TLR1: variants seen among roughly 807,000 people sequenced by gnomAD.
The protein encoded by TLR1 is toll-like receptor 1.
In TLR1, 19 loss-of-function variants were observed where a neutral mutation model predicts 20.2. The ratio of observed to expected loss-of-function variants is 0.94; its 90% CI spans 0.66 to 1.38. The LOEUF (loss-of-function observed/expected upper bound fraction) is 1.38. TLR1 is among the 40% of genes most tolerant of loss of function. TLR1 has a pLI of 0.00. For missense variants in TLR1, 921 were observed against 910.0 expected (o/e 1.01, Z -0.16); for synonymous variants, 320 against 334.5 (o/e 0.96, Z 0.47).
chr4:38,799,546 C>T (rs1197814277), intron 3 of TLR1, among the ~76,000 whole-genome samples: 2 of 152,192 alleles, frequency 1.3e-5, no homozygotes, highest in African/African-American at 4.8e-5. Context: ...TCATCTGTTA[C>T]AGCAGCCTCA....
In TLR1 at chr4:38,797,075, A is replaced by G; in HGVS notation, c.1757T>C (p.Ile586Thr). 1 of 1,614,222 alleles carries G rather than the reference A, an allele frequency of 6.2e-7. No homozygotes were observed. Among genetic ancestry groups the G allele is most frequent in the South Asian group, 1.1e-5 (1 of 91,084 alleles). ...SCNITLLIVT[I>T]VATMLVLAVT... Reference sequence around the variant, plus strand: ...AGCCAACACCAGCATGGTGGCAACGATGGTGACGATCAGCAGAGTTATGTT... The same window carrying G: ...AGCCAACACCAGCATGGTGGCAACGGTGGTGACGATCAGCAGAGTTATGTT... The change falls in exon 4 of 4, where the codon ATC (isoleucine) becomes ACC (threonine). Residue 586 changes from isoleucine (I) to threonine (T), a missense_variant. Transcript: ENST00000308979.
intron 2 of TLR1, among the ~76,000 whole-genome samples, chr4:38,802,996 G>A (rs1239859250): frequency 6.6e-6 from 1 of 152,150 alleles, no homozygotes; most frequent in Non-Finnish European, 1.5e-5. Context: ...CAGATGGACT[G>A]AGGGGAGCCA....
downstream of TLR1, among the ~76,000 whole-genome samples, chr4:38,793,158 A>G (rs1725826275): frequency 1.3e-5 from 2 of 152,168 alleles, no homozygotes; most frequent in Non-Finnish European, 2.9e-5. Context: ...CTCAAGAAGG[A>G]TGGGTGGGGT....
chr4:38,798,202 G>T lies in TLR1; in HGVS notation c.630C>A (p.Val210=), dbSNP rs1726297445. 1.2e-6 allele frequency: 2 copies of T among 1,613,982 alleles called. No homozygotes were observed. Among genetic ancestry groups the T allele is most frequent in the South Asian group, 2.2e-5 (2 of 91,044 alleles). ...KEFHFILDVS[V]KTVANLELSN... is the part of the protein sequence containing the mutation. ...ATAGTTCCAGATTTGCTACAGTCTTGACTGACACATCCAAAATAAAATGGA... is the reference window on the plus strand; with the variant it reads ...ATAGTTCCAGATTTGCTACAGTCTTTACTGACACATCCAAAATAAAATGGA... The change falls in exon 4 of 4, where the codon GTC becomes GTA. Residue 210 remains valine, a synonymous_variant. Coordinates refer to ENST00000308979, the MANE Select transcript of TLR1 (RefSeq NM_003263.4).
downstream of TLR1, among the ~76,000 whole-genome samples, chr4:38,788,217 C>T (rs948448810): frequency 4.0e-5 from 6 of 151,656 alleles, no homozygotes; most frequent in African/African-American, 1.2e-4. Context: ...ACAAGGGAAA[C>T]ACAAATAGAG....
chr4:38,792,629 T>A (rs1256912703), downstream of TLR1, among the ~76,000 whole-genome samples: 1 of 151,990 alleles, frequency 6.6e-6, no homozygotes, highest in Non-Finnish European at 1.5e-5. Context: ...AACATAAAAA[T>A]TACCATCTTA....
chr4:38,791,045 A>T (rs1206627523), exon 4 of TLR1: 2 of 152,218 alleles, frequency 1.3e-5, no homozygotes, highest in Non-Finnish European at 2.9e-5. Flanking sequence ...TATCTGGGGA[A>T]TTCAAGAAGC....
At chr4:38,804,111 C>T (rs938626171) in intron 2 of TLR1, among the ~76,000 whole-genome samples, 195 bp downstream of exon 2, 2 of 152,198 alleles carry the variant, frequency 1.3e-5, no homozygotes, top group South Asian at 2.1e-4. Context: ...GCTTTCTATG[C>T]GGTTTTGTGA....
chr4:38,792,686 A>T (rs534130627), downstream of TLR1, among the ~76,000 whole-genome samples: 5 of 152,180 alleles, frequency 3.3e-5, no homozygotes, highest in South Asian at 2.1e-4. Flanking sequence ...CATTAAACAC[A>T]TTCCCCCATT....
At chr4:38,802,195 T>C (rs1019736492) in intron 2 of TLR1, among the ~76,000 whole-genome samples, 3 of 152,088 alleles carry the variant, frequency 2.0e-5, no homozygotes, top group African/African-American at 7.2e-5. Flanking sequence ...AGACTCTGTC[T>C]CAAAAACAAA....
chr4:38,796,523 G>C lies in TLR1; in HGVS notation c.2309C>G (p.Ala770Gly). ...KEKSKRGLFW[A>G]NLRAAINIKL... ...AATATTAATGGCTGCCCTTAAGTTA[G>C]CCCAAAAAAGGCCACGTTTGCTCTT... Residue 770 changes from alanine to glycine, a missense_variant, in exon 4 of 4, where the codon GCT (alanine) becomes GGT (glycine). Physicochemically the swap from Ala to Gly is moderately conservative, Grantham distance 60. Coordinates refer to ENST00000308979, the MANE Select transcript of TLR1 (RefSeq NM_003263.4). 2 of 1,614,002 alleles carry C rather than the reference G, an allele frequency of 1.2e-6. No homozygotes were observed. Among genetic ancestry groups the C allele is most frequent in the South Asian group, 2.2e-5 (2 of 91,084 alleles).
At position 38,796,431 on chromosome 4, in the gene TLR1, C is replaced by A; in HGVS notation, c.*40G>T. 6.3e-7 allele frequency: 1 copy of A among 1,578,730 alleles called. No individual in the cohort carries two copies. On this transcript the variant is annotated 3_prime_UTR_variant, in exon 4 of 4. Transcript: ENST00000308979. Reference sequence around the variant, plus strand: ...TCATTGTTGGAACTTCCAAAAGCAGCAATATCAACAGGAGGAATATTTTTC... The same window carrying A: ...TCATTGTTGGAACTTCCAAAAGCAGAAATATCAACAGGAGGAATATTTTTC...
rs1005404430 is a variant in TLR1, at chr4:38,798,899, C to A, written c.-67-1G>T. The A allele has an allele frequency of 1.7e-5, 20 of 1,180,588 alleles. No individual in the cohort carries two copies. The highest frequency in any genetic ancestry group is 1.8e-5 in the Non-Finnish European group (15 of 856,052). 73.1% of individuals were successfully genotyped at this position (1,180,588 alleles called of 1,614,324 possible). A position where few individuals can be genotyped will look rare whatever the true frequency, so the allele number is the denominator to read the frequency against. On this transcript the variant is annotated splice_acceptor_variant, in intron 3 of 3. Transcript: ENST00000308979. LOFTEE classifies it low-confidence loss of function (5UTR_SPLICE). Reference sequence around the variant, plus strand: ...GATCATCTTGATACAGATACAGATTCTAGAAAAAAAATAATGAAATGATGA... The same window carrying A: ...GATCATCTTGATACAGATACAGATTATAGAAAAAAAATAATGAAATGATGA...
chr4:38,796,152 G>A, downstream of TLR1: 1 of 271,318 alleles, frequency 3.7e-6, no homozygotes. Flanking sequence ...TCCAATATTG[G>A]CCATGATACA....
rs1726408245 is a variant in TLR1, at chr4:38,798,715, A to C, written c.117T>G (p.Val39=). The change falls in exon 4 of 4, where the codon GTT becomes GTG. Residue 39 remains valine (V), a synonymous_variant. Coordinates refer to ENST00000308979, the MANE Select transcript of TLR1 (RefSeq NM_003263.4). ...TTGTTTTCTGGGATAGGTCTTTAGG[A>C]ACGTGGATGAGACCGTTTTTTGACC... ...VDRSKNGLIH[V]PKDLSQKTTI... 1 of 1,613,820 alleles carries C rather than the reference A, an allele frequency of 6.2e-7. No individual in the cohort carries two copies. The highest frequency in any genetic ancestry group is 1.3e-5 in the African/African-American group (1 of 75,066).
At chr4:38,791,164 A>G (rs972835877) in exon 4 of TLR1, 1 of 152,258 alleles carries the variant, frequency 6.6e-6, no homozygotes, top group Non-Finnish European at 1.5e-5. Context: ...GCAGTTCAGA[A>G]GAAGAGAATG....
downstream of TLR1, among the ~76,000 whole-genome samples, chr4:38,793,024 G>C (rs1279257711): frequency 6.6e-6 from 1 of 151,960 alleles, no homozygotes; most frequent in African/African-American, 2.4e-5. Flanking sequence ...TAGATAACTG[G>C]TTTTGTGACC....
downstream of TLR1, among the ~76,000 whole-genome samples, chr4:38,789,621 C>T (rs774722246): frequency 6.6e-6 from 1 of 152,080 alleles, no homozygotes. Context: ...CACAACCATG[C>T]CCGGCTAATT....
At chr4:38,793,931 G>A (rs1560452945), downstream of TLR1, among the ~76,000 whole-genome samples, 1 of 152,026 alleles carries the variant, frequency 6.6e-6, no homozygotes, top group East Asian at 1.9e-4. Flanking sequence ...GGCATAGAGG[G>A]AAGACGATGT....
Sources: gnomAD v4.1 joint callset for allele counts (sites outside exome capture counted in the v4.1 genomes callset) on GRCh38, gnomAD v4.1.1 for gene constraint, MANE v1.5 for transcripts, NCBI Gene and HGNC (gene_info 2026-07-23, HGNC 2026-07-21) for gene names.